MEIS1: variants seen among roughly 807,000 people sequenced by gnomAD.
MEIS1 encodes Meis homeobox 1.
A neutral mutation model predicts 50.8 loss-of-function variants in MEIS1; 5 were observed. The observed-to-expected ratio is 0.10, with a 90% CI of 0.05 to 0.21. The LOEUF (loss-of-function observed/expected upper bound fraction) is 0.21, where lower values mean the gene tolerates loss of function less well. MEIS1 is among the 10% of genes least tolerant of loss of function. The pLI is 1.00. For synonymous variants in MEIS1, 176 were observed against 179.3 expected, an observed-to-expected ratio of 0.98 and a Z score of 0.15; for missense variants, 318 against 517.3, an observed-to-expected ratio of 0.61 and a Z score of 3.74.
At chr2:66,465,014 A>G (rs145004785) in intron 7 of MEIS1, among the ~76,000 whole-genome samples, 4 of 152,302 alleles carry the variant, frequency 2.6e-5, no homozygotes, top group Non-Finnish European at 5.9e-5. Flanking sequence ...TCTGAATATA[A>G]AAAGGCTGTT....
chr2:66,464,178 G>A lies in MEIS1; in HGVS notation c.700G>A (p.Gly234Ser), dbSNP rs546155412. 19 of 1,605,122 alleles carry A rather than the reference G, an allele frequency of 1.2e-5. No homozygotes were observed. The highest frequency in any genetic ancestry group is 5.6e-5 in the South Asian group (5 of 88,752). Residue 234 changes from glycine to serine, a missense_variant, in exon 7 of 13, where the codon GGT becomes AGT. By Grantham distance (56) the Gly-to-Ser change is moderately conservative. Around this residue, in one of 6 missense-constraint regions of MEIS1, gnomAD observed 48 missense variants for 50.9 expected, o/e 0.94. Transcript: ENST00000272369. ...AGGAGGAACCCCAGGCCCTTCCAGC[G>A]GTGGCCACACGTCACACAGTGGGGA... ...RSGGTPGPSS[G>S]GHTSHSGDNS... is the part of the protein sequence containing the mutation.
At chr2:66,482,140 G>A (rs569997625) in intron 7 of MEIS1, among the ~76,000 whole-genome samples, 238 of 152,258 alleles carry the variant, frequency 1.6e-3, no homozygotes, top group African/African-American at 5.5e-3. Flanking sequence ...GATTGCAGGT[G>A]TGAGCCACCA....
At chr2:66,567,364 T>C in intron 9 of MEIS1, 89 bp from the exon 10 acceptor site, 3 of 1,389,770 alleles carry the variant, frequency 2.2e-6, no homozygotes, top group Non-Finnish European at 3.0e-6. Flanking sequence ...GATCTAGTTT[T>C]ACTCCAACTG....
At chr2:66,440,970 G>A in intron 4 of MEIS1, 2 of 353,700 alleles carry the variant, frequency 5.7e-6, no homozygotes, top group South Asian at 7.6e-5. Flanking sequence ...GGCAGCCACC[G>A]GACAAGAGCC....
chr2:66,481,907 T>C (rs1189148806), intron 7 of MEIS1, among the ~76,000 whole-genome samples: 3 of 137,878 alleles, frequency 2.2e-5, no homozygotes, highest in African/African-American at 2.7e-5. Context: ...CAGGCCGGAG[T>C]GCGGTGGCGT....
intron 9 of MEIS1, among the ~76,000 whole-genome samples, chr2:66,550,135 C>G (rs1427340703): frequency 6.6e-6 from 1 of 152,178 alleles, no homozygotes; most frequent in African/African-American, 2.4e-5. Flanking sequence ...CACTGCTATT[C>G]AATTCTGCAC....
chr2:66,565,548 G>C (rs866901786), intron 9 of MEIS1, among the ~76,000 whole-genome samples: 1 of 152,184 alleles, frequency 6.6e-6, no homozygotes, highest in Non-Finnish European at 1.5e-5. Context: ...ACCACTGACA[G>C]CTGTGTGTCA....
chr2:66,496,603 T>C (rs1357654775), intron 7 of MEIS1, among the ~76,000 whole-genome samples: 1 of 152,208 alleles, frequency 6.6e-6, no homozygotes, highest in Non-Finnish European at 1.5e-5. Context: ...TCCTTCTTTA[T>C]GTCCTAGGCA....
chr2:66,484,987 ATT>A (rs970740598), intron 7 of MEIS1, among the ~76,000 whole-genome samples: 4 of 151,868 alleles, frequency 2.6e-5, no homozygotes, highest in African/African-American at 9.7e-5. Context: ...ATAGGACGAG[ATT>A]TTTTTTGGGG....
chr2:66,540,475 A>G (rs997945219), intron 8 of MEIS1, among the ~76,000 whole-genome samples: 5 of 151,998 alleles, frequency 3.3e-5, no homozygotes, highest in African/African-American at 7.2e-5. Context: ...ACGCCCAGCT[A>G]ATTTTTGTAC....
intron 6 of MEIS1, among the ~76,000 whole-genome samples, chr2:66,456,390 C>T (rs1172327059): frequency 1.3e-5 from 2 of 152,084 alleles, no homozygotes; most frequent in South Asian, 2.1e-4. Context: ...GTAGTGAGTG[C>T]AAGACGTAAG....
chr2:66,554,955 T>G (rs562820901), intron 9 of MEIS1, among the ~76,000 whole-genome samples: 4 of 152,282 alleles, frequency 2.6e-5, no homozygotes, highest in African/African-American at 7.2e-5. Context: ...TAAAGATAAA[T>G]CAGTTGTTTT....
At chr2:66,473,397 A>AAAAAAAAAAAAAAAAAATATATATATAT in intron 7 of MEIS1, among the ~76,000 whole-genome samples, 7 of 107,564 alleles carry the variant, frequency 6.5e-5, no homozygotes, top group African/African-American at 3.5e-4. Flanking sequence ...AAAAAAAAAA[A>AAAAAAAAAAAAAAAAAATATATATATAT]ATATATATAT....
In MEIS1 at chr2:66,569,093, G is replaced by C; in HGVS notation, c.1158G>C (p.Gln386His). Residue 386 changes from glutamine (Q) to histidine (H), a missense_variant, in exon 12 of 13, where the codon CAG becomes CAC. Transcript: ENST00000272369. ...GCATGAATATGGGCATGGAGGGGCAGTGGCACTACATGTAACCTTCATCTA... is the reference window on the plus strand; with the variant it reads ...GCATGAATATGGGCATGGAGGGGCACTGGCACTACATGTAACCTTCATCTA... ...GMGMNMGMEG[Q>H]WHYM 6.2e-7 allele frequency: 1 copy of C among 1,613,878 alleles called. No homozygotes were observed. Among genetic ancestry groups the C allele is most frequent in the Non-Finnish European group, 8.5e-7 (1 of 1,179,828 alleles).
intron 8 of MEIS1, among the ~76,000 whole-genome samples, chr2:66,544,824 A>T (rs1674750832): frequency 6.6e-6 from 1 of 152,190 alleles, no homozygotes; most frequent in African/African-American, 2.4e-5. Context: ...ATTTTGTGAT[A>T]TTTAAATTAT....
At position 66,572,943 on chromosome 2, in the gene MEIS1, T is replaced by G. The variant is rs1675512043; in HGVS notation, c.*1735T>G. On this transcript the variant is annotated 3_prime_UTR_variant, in exon 13 of 13. Transcript: ENST00000272369. ...AAGCTGACTTAATGAACTCCTAATA[T>G]CAGCAAATTTGAGGCCTAAAGGCAC... 6.6e-6 allele frequency: 1 copy of G among 152,182 alleles called. No individual in the cohort carries two copies. The highest frequency in any genetic ancestry group is 1.5e-5 in the Non-Finnish European group (1 of 68,040). 9.4% of individuals were successfully genotyped at this position (152,182 alleles called of 1,614,324 possible).
chr2:66,459,702 T>G lies in MEIS1; in HGVS notation c.631-4407T>G, dbSNP rs79520735. Among the ~76,000 whole-genome samples, 516 of 151,634 alleles carry G rather than the reference T, an allele frequency of 3.4e-3. 10 individuals are homozygous for G. The East Asian group carries it at 0.065, about 19-fold the overall frequency. On this transcript the variant is annotated intron_variant, in intron 6 of 12. Transcript: ENST00000272369. Reference sequence around the variant, plus strand: ...GAATGGGGAGGTGGAGAGAGAGAGATAGAGAGAGAGCGTATGAATGGCTCT... The same window carrying G: ...GAATGGGGAGGTGGAGAGAGAGAGAGAGAGAGAGAGCGTATGAATGGCTCT...
At chr2:66,480,659 G>A (rs891457185) in intron 7 of MEIS1, among the ~76,000 whole-genome samples, 1 of 152,144 alleles carries the variant, frequency 6.6e-6, no homozygotes, top group African/African-American at 2.4e-5. Flanking sequence ...CAGACCCTTT[G>A]AATGAAATTT....
chr2:66,557,154 G>A (rs1675087229), intron 9 of MEIS1, among the ~76,000 whole-genome samples: 1 of 152,150 alleles, frequency 6.6e-6, no homozygotes, highest in Admixed American at 6.5e-5. Flanking sequence ...AATCCTGGGA[G>A]GGAGGGAATT....
Sources: gnomAD v4.1 joint callset for allele counts (sites outside exome capture counted in the v4.1 genomes callset) on GRCh38, gnomAD v4.1.1 for gene constraint, gnomAD v4.1.1 regional missense constraint, MANE v1.5 for transcripts, NCBI Gene and HGNC (gene_info 2026-07-23, HGNC 2026-07-21) for gene names.